LAMA2: variants seen among roughly 807,000 people sequenced by gnomAD.
The protein encoded by LAMA2 is laminin subunit alpha 2.
A neutral mutation model predicts 364.8 loss-of-function variants in LAMA2; 269 were observed. That is an observed-to-expected ratio of 0.74 (90% CI 0.67 to 0.82). LAMA2 has a LOEUF of 0.82. Ranked by LOEUF, LAMA2 falls within the 40% of genes least tolerant of loss-of-function variation. The pLI, the probability that LAMA2 is intolerant of heterozygous loss-of-function variation, is 0.00. For missense variants in LAMA2, 3,807 were observed against 3,873.2 expected (o/e 0.98, Z 0.45); for synonymous variants, 1,379 against 1,370.6 (o/e 1.01, Z -0.14).
intron 5 of LAMA2, 42 bp downstream of exon 5, chr6:129,144,122 C>A: frequency 1.4e-6 from 2 of 1,470,482 alleles, no homozygotes; most frequent in South Asian, 1.1e-5. Context: ...AAATGATATC[C>A]CACTTATCTT....
intron 14 of LAMA2, 86 bp from the exon 15 acceptor site, chr6:129,260,625 T>C (rs1424586927): frequency 2.4e-6 from 2 of 844,934 alleles, no homozygotes; most frequent in Non-Finnish European, 4.1e-6. Flanking sequence ...GGCTTATATT[T>C]ATGTCATTGT....
chr6:129,057,083 A>G (rs1261938474), intron 2 of LAMA2, among the ~76,000 whole-genome samples: 2 of 152,078 alleles, frequency 1.3e-5, no homozygotes, highest in South Asian at 2.1e-4. Flanking sequence ...TTTACTTTCT[A>G]TCAGATTCCT....
chr6:129,291,788 G>T, intron 20 of LAMA2, 68 bp downstream of exon 20: 1 of 987,114 alleles, frequency 1.0e-6, no homozygotes, highest in Non-Finnish European at 1.6e-6. Context: ...TTCATGACAT[G>T]TTTTGTATAC....
rs190790409 is a variant in LAMA2 at position 128,905,915 on chromosome 6, G to A, written c.112+22558G>A. Reference sequence around the variant, plus strand: ...TTTTTTATTCTTGTGATAGTTTGCTGAGAATGATGATTTCCAATTTCATCC... The same window carrying A: ...TTTTTTATTCTTGTGATAGTTTGCTAAGAATGATGATTTCCAATTTCATCC... On this transcript the variant is annotated intron_variant, in intron 1 of 64. Coordinates refer to ENST00000421865, the MANE Select transcript of LAMA2 (RefSeq NM_000426.4). 9.1e-3 allele frequency among the ~76,000 whole-genome samples: 1,385 copies of A among 152,084 alleles called. 28 individuals carry two copies. Among genetic ancestry groups the A allele is most frequent in the African/African-American group, 0.032 (1,334 of 41,444 alleles).
chr6:129,417,512 C>T (rs1780859597), intron 40 of LAMA2, among the ~76,000 whole-genome samples: 1 of 152,130 alleles, frequency 6.6e-6, no homozygotes, highest in East Asian at 1.9e-4. Flanking sequence ...CATAAGTTCT[C>T]ACTCCAGTTT....
intron 9 of LAMA2, among the ~76,000 whole-genome samples, chr6:129,174,011 T>G (rs1477365530): frequency 6.6e-6 from 1 of 152,148 alleles, no homozygotes; most frequent in Non-Finnish European, 1.5e-5. Flanking sequence ...GTCTCACTAC[T>G]GTTGATAATT....
intron 29 of LAMA2, among the ~76,000 whole-genome samples, chr6:129,338,518 G>A (rs112903520): frequency 2.4e-4 from 37 of 152,164 alleles, no homozygotes; most frequent in African/African-American, 8.4e-4. Flanking sequence ...GAGGATTATG[G>A]CACTTAAATC....
At chr6:129,035,684 G>A (rs1786592576) in intron 1 of LAMA2, among the ~76,000 whole-genome samples, 2 of 151,866 alleles carry the variant, frequency 1.3e-5, no homozygotes, top group South Asian at 4.1e-4. Flanking sequence ...TTTTGTATAT[G>A]GTGACACATA....
intron 17 of LAMA2, among the ~76,000 whole-genome samples, chr6:129,277,213 T>G (rs1788392572): frequency 1.3e-5 from 2 of 152,304 alleles, no homozygotes; most frequent in East Asian, 3.9e-4. Flanking sequence ...TGACATAATC[T>G]TGGAATCACT....
At chr6:129,043,909 A>C (rs549731022) in intron 1 of LAMA2, among the ~76,000 whole-genome samples, 2 of 152,288 alleles carry the variant, frequency 1.3e-5, no homozygotes, top group African/African-American at 4.8e-5. Context: ...GAATCTGACT[A>C]GGGCAGGTGT....
intron 48 of LAMA2, 27 bp downstream of exon 48, chr6:129,456,521 A>T (rs190646070): frequency 6.2e-7 from 1 of 1,601,634 alleles, no homozygotes; most frequent in Middle Eastern, 1.7e-4. Flanking sequence ...CCTCCTGTTT[A>T]TTTCATCTTT....
chr6:129,108,056 T>A (rs1424926622), intron 4 of LAMA2, among the ~76,000 whole-genome samples: 1 of 149,520 alleles, frequency 6.7e-6, no homozygotes, highest in East Asian at 1.9e-4. Context: ...CTTTGATGAA[T>A]TACTTCATTT....
chr6:129,061,623 C>G (rs1225528881), intron 3 of LAMA2, among the ~76,000 whole-genome samples: 1 of 152,190 alleles, frequency 6.6e-6, no homozygotes, highest in African/African-American at 2.4e-5. Flanking sequence ...CTCACTCATC[C>G]ATTCCCACAC....
At chr6:128,943,704 T>A (rs1780320642) in intron 1 of LAMA2, among the ~76,000 whole-genome samples, 2 of 152,164 alleles carry the variant, frequency 1.3e-5, no homozygotes, top group Admixed American at 6.5e-5. Flanking sequence ...AAAGAAATCA[T>A]CAAATGCTAC....
chr6:129,420,567 C>T (rs529629601), intron 40 of LAMA2, among the ~76,000 whole-genome samples: 1 of 151,884 alleles, frequency 6.6e-6, no homozygotes, highest in South Asian at 2.1e-4. Context: ...AGTCATAAAC[C>T]ATGCTGATGA....
chr6:129,219,675 T>C (rs1460409180), intron 12 of LAMA2, among the ~76,000 whole-genome samples: 3 of 143,820 alleles, frequency 2.1e-5, no homozygotes, highest in African/African-American at 7.7e-5. Flanking sequence ...ATGTCCTTTG[T>C]AGGGACATGG....
chr6:129,062,208 T>A (rs1788968140), intron 3 of LAMA2, among the ~76,000 whole-genome samples: 1 of 152,160 alleles, frequency 6.6e-6, no homozygotes, highest in Admixed American at 6.5e-5. Context: ...ACATTCTTAT[T>A]ATGTAACTCC....
rs189436347 is a variant in LAMA2 at position 129,294,862 on chromosome 6, A to T, written c.2857-2823A>T. ...TACTATTATTATTACCAATGTTGTT[A>T]AATGAAGAAATGTTTAAAATAATTT... On this transcript the variant is annotated intron_variant, in intron 20 of 64. Coordinates refer to ENST00000421865, the MANE Select transcript of LAMA2 (RefSeq NM_000426.4). 7.1e-4 allele frequency among the ~76,000 whole-genome samples: 108 copies of T among 152,290 alleles called. 1 individual carries two copies. In the East Asian group the frequency reaches 0.019, roughly 27 times the overall value.
chr6:128,975,103 C>T (rs1221997215), intron 1 of LAMA2, among the ~76,000 whole-genome samples: 4 of 152,168 alleles, frequency 2.6e-5, no homozygotes, highest in Admixed American at 6.5e-5. Context: ...CCGCCTGCCT[C>T]TGCCTCCCAA....
Sources: gnomAD v4.1 joint callset for allele counts (sites outside exome capture counted in the v4.1 genomes callset) on GRCh38, gnomAD v4.1.1 for gene constraint, MANE v1.5 for transcripts, NCBI Gene and HGNC (gene_info 2026-07-23, HGNC 2026-07-21) for gene names.